Variants in DNAH8 observed in about 807,000 individuals in gnomAD.
DNAH8 encodes the protein dynein axonemal heavy chain 8.
A neutral mutation model predicts 562.1 loss-of-function variants in DNAH8; 382 were observed. The observed-to-expected ratio is 0.68, with a 90% CI of 0.63 to 0.74. The LOEUF (loss-of-function observed/expected upper bound fraction) is 0.74, where lower values mean the gene tolerates loss of function less well. DNAH8 is among the 30% of genes least tolerant of loss of function. The pLI, the probability that DNAH8 is intolerant of heterozygous loss-of-function variation, is 0.00. For missense variants in DNAH8, 5,203 were observed against 5,620.4 expected (o/e 0.93, Z 2.37); for synonymous variants, 1,881 against 1,919.4 (o/e 0.98, Z 0.52).
chr6:38,884,440 CCCG>C (rs1778761683), intron 56 of DNAH8, among the ~76,000 whole-genome samples: 1 of 152,094 alleles, frequency 6.6e-6, no homozygotes, highest in African/African-American at 2.4e-5. Context: ...ATAACATGTG[CCCG>C]CCACCACGCC....
chr6:38,925,675 C>T (rs1175785330), intron 73 of DNAH8, among the ~76,000 whole-genome samples: 1 of 152,130 alleles, frequency 6.6e-6, no homozygotes, highest in African/African-American at 2.4e-5. Context: ...GAAGGGGAAG[C>T]TATCAGGGGC....
rs188009638 is a variant in DNAH8 at position 38,884,010 on chromosome 6, A to G, written c.8259+12A>G. 4 of 1,507,962 alleles carry G rather than the reference A, an allele frequency of 2.7e-6. No individual in the cohort carries two copies. Among genetic ancestry groups the G allele is most frequent in the Non-Finnish European group, 2.7e-6 (3 of 1,121,982 alleles). 93.4% of individuals were successfully genotyped at this position (1,507,962 alleles called of 1,614,324 possible). A position where few individuals can be genotyped will look rare whatever the true frequency, so the allele number is the denominator to read the frequency against. ...AGTGGGGAGATCAGGTATGGCTGAA[A>G]TATCTCATATAGATGATCCTGAATT... On this transcript the variant is annotated intron_variant, in intron 56 of 92. Transcript: ENST00000327475.
intron 40 of DNAH8, 56 bp downstream of exon 40, chr6:38,852,854 A>C: frequency 7.6e-7 from 1 of 1,314,500 alleles, no homozygotes; most frequent in Non-Finnish European, 1.1e-6. Context: ...ACTTAGGTTG[A>C]GGAGAATACA....
intron 12 of DNAH8, among the ~76,000 whole-genome samples, chr6:38,771,758 G>A (rs973228778): frequency 8.7e-5 from 13 of 148,784 alleles, no homozygotes; most frequent in Admixed American, 7.6e-4. Context: ...TCCATTGTAC[G>A]GATAATATCA....
chr6:38,945,593 T>TA lies in DNAH8; in HGVS notation c.12129+6dup. 1 of 1,613,866 alleles carries TA rather than the reference T, an allele frequency of 6.2e-7. No homozygotes were observed. The highest frequency in any genetic ancestry group is 8.5e-7 in the Non-Finnish European group (1 of 1,179,860). Reference sequence around the variant, plus strand: ...TTTGCAGAAATTATGAACCAGGTAATACAATAAAGGGCTGGTTGAAAGTGC... The same window carrying TA: ...TTTGCAGAAATTATGAACCAGGTAATAACAATAAAGGGCTGGTTGAAAGTGC... On this transcript the variant is annotated splice_donor_region_variant and intron_variant, in intron 80 of 92. Transcript: ENST00000327475.
rs115033125 is a variant in DNAH8, at chr6:38,947,527, G to A, written c.12130-1925G>A. Among the ~76,000 whole-genome samples, 451 of 152,298 alleles carry A rather than the reference G, an allele frequency of 3.0e-3. 3 individuals are homozygous for A. The highest frequency in any genetic ancestry group is 9.5e-3 in the African/African-American group (393 of 41,564). ...ACTGTGGTCAAGTCAAAATTAGCAG[G>A]TGGAAAGTCAGTAGGTGAAGAATAG... On this transcript the variant is annotated intron_variant, in intron 80 of 92. Transcript: ENST00000327475.
intron 41 of DNAH8, among the ~76,000 whole-genome samples, chr6:38,855,749 C>T (rs560733970): frequency 6.6e-5 from 10 of 152,226 alleles, no homozygotes; most frequent in Non-Finnish European, 8.8e-5. Context: ...CCACCCGGCC[C>T]GGCCACAAAC....
intron 49 of DNAH8, among the ~76,000 whole-genome samples, chr6:38,871,079 T>C (rs562152695): frequency 1.3e-5 from 2 of 152,240 alleles, no homozygotes; most frequent in Non-Finnish European, 2.9e-5. Context: ...CTTGATTGGA[T>C]TACCAGTAGA....
At chr6:38,944,001 C>T (rs1783655629) in intron 79 of DNAH8, among the ~76,000 whole-genome samples, 1 of 152,084 alleles carries the variant, frequency 6.6e-6, no homozygotes, top group South Asian at 2.1e-4. Context: ...ATAGGAAGGG[C>T]TGTCATTGTT....
rs1036858902 is a variant in DNAH8 at position 38,879,748 on chromosome 6, G to A, written c.7859-3162G>A. ...GTGGGGGGCAAATCAAATGTCTATA[G>A]ATTAGAAAAGAACAAGTAAAATTCT... On this transcript the variant is annotated intron_variant, in intron 53 of 92. Coordinates refer to ENST00000327475, the MANE Select transcript of DNAH8 (RefSeq NM_001206927.2). Among the ~76,000 whole-genome samples the A allele has an allele frequency of 4.6e-5, 7 of 152,200 alleles. No homozygotes were observed. The East Asian group carries it at 1.4e-3, about 29-fold the overall frequency.
chr6:38,918,932 T>C (rs1435259890), intron 70 of DNAH8, among the ~76,000 whole-genome samples: 1 of 152,124 alleles, frequency 6.6e-6, no homozygotes, highest in Non-Finnish European at 1.5e-5. Flanking sequence ...GAGAAGTGGC[T>C]GCCTCCTTTA....
At chr6:38,885,053 A>C (rs899745536) in intron 56 of DNAH8, among the ~76,000 whole-genome samples, 5 of 152,136 alleles carry the variant, frequency 3.3e-5, no homozygotes, top group Non-Finnish European at 5.9e-5. Context: ...CGAAAAACCA[A>C]ACAGTTCTGT....
At chr6:38,823,795 A>T in intron 28 of DNAH8, 107 bp downstream of exon 28, 1 of 531,720 alleles carries the variant, frequency 1.9e-6, no homozygotes, top group Non-Finnish European at 3.2e-6. Flanking sequence ...TATTATACCA[A>T]GATATAATAA....
Position 38,792,244 on chromosome 6 carries a change from C to T in DNAH8, c.2901+570C>T, listed in dbSNP as rs139411418. On this transcript the variant is annotated intron_variant, in intron 21 of 92. Coordinates refer to ENST00000327475, the MANE Select transcript of DNAH8 (RefSeq NM_001206927.2). ...CTGGGATTACAGGCCTGTACCAGCA[C>T]ACCCGGCTAATTTTTGTGTTTTTAG... Among the ~76,000 whole-genome samples the T allele has an allele frequency of 6.6e-5, 10 of 152,236 alleles. No homozygotes were observed. In the East Asian group the frequency reaches 1.9e-3, roughly 29 times the overall value.
chr6:38,883,054 T>C lies in DNAH8; in HGVS notation c.8001+2T>C. 6.3e-7 allele frequency: 1 copy of C among 1,585,618 alleles called. No homozygotes were observed. Among genetic ancestry groups the C allele is most frequent in the East Asian group, 2.3e-5 (1 of 44,044 alleles). Reference sequence around the variant, plus strand: ...GACACCATTGCAAAACAACATAAAGTAAGTTTAATAGATAGTTCCTTAAAT... The same window carrying C: ...GACACCATTGCAAAACAACATAAAGCAAGTTTAATAGATAGTTCCTTAAAT... On this transcript the variant is annotated splice_donor_variant, in intron 54 of 92. Coordinates refer to ENST00000327475, the MANE Select transcript of DNAH8 (RefSeq NM_001206927.2). LOFTEE classifies it high-confidence loss of function.
At chr6:38,815,172 C>T (rs536024598) in intron 25 of DNAH8, among the ~76,000 whole-genome samples, 1 of 152,278 alleles carries the variant, frequency 6.6e-6, no homozygotes, top group South Asian at 2.1e-4. Context: ...AAAAGGATGA[C>T]AAGTACTAGT....
intron 79 of DNAH8, among the ~76,000 whole-genome samples, chr6:38,943,306 C>G (rs1464547634): frequency 6.6e-6 from 1 of 152,188 alleles, no homozygotes; most frequent in Non-Finnish European, 1.5e-5. Context: ...TACATTTTGA[C>G]TGAATTATCT....
At chr6:38,857,372 C>T in intron 41 of DNAH8, 146 bp from the exon 42 acceptor site, 1 of 616,140 alleles carries the variant, frequency 1.6e-6, no homozygotes. Context: ...ACGGTTAAAA[C>T]TTTAACTGTT....
At chr6:38,866,385 T>C (rs1777032368) in intron 45 of DNAH8, among the ~76,000 whole-genome samples, 1 of 152,190 alleles carries the variant, frequency 6.6e-6, no homozygotes, top group South Asian at 2.1e-4. Context: ...ACTTTATTAA[T>C]ATCATGAAAA....
Sources: allele counts gnomAD v4.1 joint callset (sites outside exome capture counted in the v4.1 genomes callset), GRCh38; gene constraint gnomAD v4.1.1; transcripts MANE v1.5; gene names NCBI Gene and HGNC (gene_info 2026-07-23, HGNC 2026-07-21).